ZBTB20: variants seen among roughly 807,000 people sequenced by gnomAD.
The protein encoded by ZBTB20 is zinc finger and BTB domain containing 20.
In ZBTB20, 9 loss-of-function variants were observed where a neutral mutation model predicts 56.9. That is an observed-to-expected ratio of 0.16 (90% CI 0.10 to 0.28). The LOEUF (loss-of-function observed/expected upper bound fraction) is 0.28. Among genes scored for constraint, ZBTB20 ranks in the 10% least tolerant of loss-of-function variants. The pLI is 1.00. For synonymous variants in ZBTB20, 417 were observed against 420.7 expected, an observed-to-expected ratio of 0.99 and a Z score of 0.11; for missense variants, 655 against 1,003.0, an observed-to-expected ratio of 0.65 and a Z score of 4.69.
At chr3:114,698,748 G>C (rs976382440) in intron 5 of ZBTB20, among the ~76,000 whole-genome samples, 1 of 152,150 alleles carries the variant, frequency 6.6e-6, no homozygotes, top group Non-Finnish European at 1.5e-5. Context: ...TAGTCATCCA[G>C]TTGTCTTCTC....
intron 2 of ZBTB20, among the ~76,000 whole-genome samples, chr3:115,047,260 A>G (rs896721755): frequency 1.3e-5 from 2 of 152,186 alleles, no homozygotes; most frequent in Admixed American, 1.3e-4. Flanking sequence ...TGTACCAGAA[A>G]ACAGTAAAAT....
intron 4 of ZBTB20, among the ~76,000 whole-genome samples, chr3:114,826,879 A>C (rs2073555892): frequency 6.6e-6 from 1 of 151,712 alleles, no homozygotes; most frequent in African/African-American, 2.4e-5. Context: ...TAAAATTGTG[A>C]AAGAATATTG....
chr3:114,786,048 T>C (rs1323944447), intron 5 of ZBTB20, among the ~76,000 whole-genome samples: 2 of 152,174 alleles, frequency 1.3e-5, no homozygotes, highest in Non-Finnish European at 2.9e-5. Flanking sequence ...CGTGCAGGTT[T>C]GTTACATAGG....
intron 5 of ZBTB20, among the ~76,000 whole-genome samples, chr3:114,795,570 T>C (rs1231767177): frequency 6.6e-6 from 1 of 152,064 alleles, no homozygotes; most frequent in Non-Finnish European, 1.5e-5. Flanking sequence ...CCCCAAATTC[T>C]TCACCTGGCT....
chr3:115,017,919 A>G lies in ZBTB20; in HGVS notation c.-506-43503T>C, dbSNP rs117059616. Among the ~76,000 whole-genome samples, 78 of 151,704 alleles carry G rather than the reference A, an allele frequency of 5.1e-4. 1 individual carries two copies. The East Asian group carries it at 9.4e-3, about 18-fold the overall frequency. ...AATATATGAATATTTACTTTCAGAT[A>G]ATGTTACTAAATTGTGGTTATTTCT... is the stretch of plus-strand genomic sequence containing the variant. On this transcript the variant is annotated intron_variant, in intron 2 of 11. Coordinates refer to ENST00000675478, the MANE Select transcript of ZBTB20 (RefSeq NM_001348800.3).
chr3:115,097,403 C>T (rs914284763), intron 1 of ZBTB20, among the ~76,000 whole-genome samples: 3 of 151,846 alleles, frequency 2.0e-5, no homozygotes, highest in Non-Finnish European at 4.4e-5. Flanking sequence ...AGGATAGTCT[C>T]GATCTCCCGA....
chr3:114,748,114 T>G (rs1426728278), intron 5 of ZBTB20, among the ~76,000 whole-genome samples: 1 of 151,936 alleles, frequency 6.6e-6, no homozygotes, highest in Non-Finnish European at 1.5e-5. Context: ...GAAAAGGAAA[T>G]TGAACATTCA....
intron 2 of ZBTB20, 90 bp downstream of exon 2, chr3:115,071,129 T>C (rs1038560671): frequency 1.3e-5 from 2 of 152,312 alleles, no homozygotes; most frequent in East Asian, 1.9e-4. Context: ...TCCTAGCTTA[T>C]ATTTTGGACA....
At chr3:114,763,146 G>A (rs978969786) in intron 5 of ZBTB20, among the ~76,000 whole-genome samples, 7 of 152,070 alleles carry the variant, frequency 4.6e-5, no homozygotes, top group African/African-American at 1.2e-4. Flanking sequence ...TAGAACTCAC[G>A]TATTTTAAAC....
intron 2 of ZBTB20, among the ~76,000 whole-genome samples, chr3:114,989,271 T>C (rs2078694122): frequency 6.6e-6 from 1 of 152,208 alleles, no homozygotes; most frequent in African/African-American, 2.4e-5. Context: ...CTTGAATTAA[T>C]TTTTGTATAA....
At chr3:115,052,186 T>C (rs2081576201) in intron 2 of ZBTB20, among the ~76,000 whole-genome samples, 1 of 152,066 alleles carries the variant, frequency 6.6e-6, no homozygotes, top group Non-Finnish European at 1.5e-5. Context: ...TGGTTAGGCA[T>C]GGTGGCTCAT....
chr3:114,685,996 A>G (rs1485816095), intron 6 of ZBTB20, among the ~76,000 whole-genome samples: 1 of 152,124 alleles, frequency 6.6e-6, no homozygotes, highest in African/African-American at 2.4e-5. Flanking sequence ...AAATCACCCA[A>G]TGTTCCAGGA....
chr3:114,650,682 A>G (rs1241627156), intron 6 of ZBTB20, among the ~76,000 whole-genome samples: 1 of 151,946 alleles, frequency 6.6e-6, no homozygotes, highest in Non-Finnish European at 1.5e-5. Flanking sequence ...ATTTAAAATT[A>G]TTTCAACCAT....
In ZBTB20 at chr3:114,703,503, C is replaced by CTT. The variant is rs111975803; in HGVS notation, c.-342-9930_-342-9929dup. On this transcript the variant is annotated intron_variant, in intron 5 of 11. Coordinates refer to ENST00000675478, the MANE Select transcript of ZBTB20 (RefSeq NM_001348800.3). ...TTAGAGAGGGAAAATGGAGGGACTA[C>CTT]TTTTTTTTTATTCAAATAGCATTCA... Among the ~76,000 whole-genome samples, 25 of 150,782 alleles carry CTT rather than the reference C, an allele frequency of 1.7e-4. No individual in the cohort carries two copies. The East Asian group carries it at 3.9e-3, about 23-fold the overall frequency.
chr3:114,939,840 G>C (rs1241228850), intron 3 of ZBTB20, among the ~76,000 whole-genome samples: 1 of 146,152 alleles, frequency 6.8e-6, no homozygotes, highest in Admixed American at 6.6e-5. Context: ...TGCACTCCAG[G>C]CTGGGTGACA....
intron 6 of ZBTB20, among the ~76,000 whole-genome samples, chr3:114,500,949 G>A (rs573423803): frequency 6.6e-6 from 1 of 152,136 alleles, no homozygotes; most frequent in Non-Finnish European, 1.5e-5. Flanking sequence ...TACAGTACAT[G>A]ACCAATTTTA....
chr3:115,146,721 G>A (rs887205231), intron 1 of ZBTB20, among the ~76,000 whole-genome samples: 10 of 152,048 alleles, frequency 6.6e-5, no homozygotes, highest in Non-Finnish European at 1.2e-4. Flanking sequence ...CACGGCAAGC[G>A]GGGGAGGGCG....
chr3:114,477,979 CTCTT>C (rs1167014822), intron 7 of ZBTB20, among the ~76,000 whole-genome samples: 19 of 117,014 alleles, frequency 1.6e-4, no homozygotes, highest in South Asian at 9.5e-4. Context: ...CTCTCTCTCT[CTCTT>C]TCTTTCTTTT....
intron 6 of ZBTB20, among the ~76,000 whole-genome samples, chr3:114,521,930 C>T (rs7642508): frequency 0.03 from 4,526 of 152,212 alleles, 190 homozygotes; most frequent in African/African-American, 0.098. Context: ...TCAGTTATTA[C>T]TTCCTTCAAT....
Sources: gnomAD v4.1 joint callset for allele counts (sites outside exome capture counted in the v4.1 genomes callset) on GRCh38, gnomAD v4.1.1 for gene constraint, MANE v1.5 for transcripts, NCBI Gene and HGNC (gene_info 2026-07-23, HGNC 2026-07-21) for gene names.